CACNA1C: variants seen among roughly 807,000 people sequenced by gnomAD.
CACNA1C encodes calcium voltage-gated channel subunit alpha1 C, also known as voltage-dependent L-type calcium channel subunit alpha-1C.
CACNA1C carries 30 observed loss-of-function variants against 229.0 expected under a neutral mutation model. The observed-to-expected ratio is 0.13, with a 90% CI of 0.10 to 0.18. CACNA1C has a LOEUF of 0.18. Ranked by LOEUF, CACNA1C falls within the 10% of genes least tolerant of loss-of-function variation. CACNA1C has a pLI of 1.00. For missense variants in CACNA1C, 1,658 were observed against 2,845.0 expected (o/e 0.58, Z 9.49); for synonymous variants, 1,114 against 1,132.5 (o/e 0.98, Z 0.33).
At chr12:2,294,873 C>T (rs1308419667) in intron 3 of CACNA1C, among the ~76,000 whole-genome samples, 1 of 152,128 alleles carries the variant, frequency 6.6e-6, no homozygotes, top group Non-Finnish European at 1.5e-5. Flanking sequence ...CGTCTGTGTG[C>T]ACATGGTGCT....
intron 3 of CACNA1C, among the ~76,000 whole-genome samples, chr12:2,224,711 A>G (rs55802595): frequency 7.2e-5 from 11 of 152,192 alleles, no homozygotes; most frequent in Non-Finnish European, 1.5e-4. Flanking sequence ...CATTCTTCGT[A>G]TAAGTAAACA....
chr12:2,419,198 G>A (rs1032377887), intron 3 of CACNA1C, among the ~76,000 whole-genome samples: 2 of 152,176 alleles, frequency 1.3e-5, no homozygotes, highest in East Asian at 1.9e-4. Context: ...TCACAGTTCT[G>A]CAGGTTGTAA....
chr12:2,034,675 C>G lies in CACNA1C; in HGVS notation c.139+63474C>G, dbSNP rs1370584413. Among the ~76,000 whole-genome samples the G allele has an allele frequency of 1.3e-5, 2 of 152,176 alleles. No individual in the cohort carries two copies. The highest frequency in any genetic ancestry group is 4.8e-5 in the African/African-American group (2 of 41,432). ...ATAATTCGAGGGCTAACTGGCTCAT[C>G]TAGTGTGATTTAAGCTCGTAGTTTC... On this transcript the variant is annotated intron_variant, in intron 1 of 46. Transcript: ENST00000682462. The surrounding 1 kb of genome is among the most constrained non-coding windows in gnomAD (Gnocchi z 4.1).
intron 3 of CACNA1C, among the ~76,000 whole-genome samples, chr12:2,197,925 A>C (rs2097458896): frequency 6.6e-6 from 1 of 152,206 alleles, no homozygotes; most frequent in Non-Finnish European, 1.5e-5. Context: ...TTCCAAACGA[A>C]GCTGTGGTTT....
chr12:2,686,328 G>C lies in CACNA1C; in HGVS notation c.5784+59G>C, dbSNP rs539901100. The C allele has an allele frequency of 9.2e-6, 12 of 1,302,796 alleles. No homozygotes were observed. In the South Asian group the frequency reaches 1.4e-4, roughly 15 times the overall value. 80.7% of individuals were successfully genotyped at this position (1,302,796 alleles called of 1,614,324 possible). ...TGCCAGCAGGCCAGACAGTCCCCAG[G>C]GTGACGGACAAATCCTGAAGACTTC... On this transcript the variant is annotated intron_variant, in intron 45 of 46. Coordinates refer to ENST00000399655, the MANE Select transcript of CACNA1C (RefSeq NM_000719.7).
chr12:2,380,905 A>T (rs1386939070), intron 3 of CACNA1C, among the ~76,000 whole-genome samples: 1 of 152,168 alleles, frequency 6.6e-6, no homozygotes, highest in African/African-American at 2.4e-5. Flanking sequence ...ATCACCAAGG[A>T]TCACCTACGG....
intron 5 of CACNA1C, among the ~76,000 whole-genome samples, chr12:2,462,299 C>T (rs2099514229): frequency 6.7e-6 from 1 of 150,222 alleles, no homozygotes; most frequent in South Asian, 2.1e-4. Flanking sequence ...CCCCTCGGCT[C>T]AGCTCTCATA....
chr12:2,066,762 G>C (rs368105642), intron 1 of CACNA1C, among the ~76,000 whole-genome samples: 2 of 152,174 alleles, frequency 1.3e-5, no homozygotes, highest in South Asian at 2.1e-4. Context: ...GGAGTGGAAG[G>C]CTCAACCCCA....
intron 3 of CACNA1C, among the ~76,000 whole-genome samples, chr12:2,147,174 C>T (rs1216125799): frequency 6.6e-6 from 1 of 151,308 alleles, no homozygotes; most frequent in African/African-American, 2.4e-5. Context: ...GGGGGGGAAC[C>T]TCCAAAATGT....
At chr12:2,511,746 G>A (rs888710457) in intron 8 of CACNA1C, among the ~76,000 whole-genome samples, 12 of 152,130 alleles carry the variant, frequency 7.9e-5, no homozygotes, top group African/African-American at 2.9e-4. Flanking sequence ...TCTCCTGCCA[G>A]CCTCCTCCTT....
chr12:2,170,922 G>T (rs1431673686), intron 3 of CACNA1C, among the ~76,000 whole-genome samples: 1 of 152,232 alleles, frequency 6.6e-6, no homozygotes, highest in Non-Finnish European at 1.5e-5. Flanking sequence ...GCTTGGGAGG[G>T]TATGTGTTGC....
At chr12:2,539,157 C>A (rs1054914378) in intron 9 of CACNA1C, among the ~76,000 whole-genome samples, 3 of 152,178 alleles carry the variant, frequency 2.0e-5, no homozygotes, top group African/African-American at 7.2e-5. Flanking sequence ...AGGGGTATGT[C>A]GGTCAGTGTC....
intron 10 of CACNA1C, among the ~76,000 whole-genome samples, chr12:2,551,836 G>A (rs1362187608): frequency 6.6e-6 from 1 of 152,128 alleles, no homozygotes; most frequent in Non-Finnish European, 1.5e-5. Context: ...AGCCGTCACA[G>A]TCAGGGAAGA....
intron 1 of CACNA1C, among the ~76,000 whole-genome samples, chr12:2,081,309 G>A (rs934769977): frequency 2.6e-5 from 4 of 152,100 alleles, no homozygotes; most frequent in Non-Finnish European, 5.9e-5. Flanking sequence ...GGTGGCTCAC[G>A]CCTGTAATCC....
chr12:2,012,436 GAGT>G (rs572257868), intron 1 of CACNA1C, among the ~76,000 whole-genome samples: 242 of 152,346 alleles, frequency 1.6e-3, no homozygotes, highest in African/African-American at 5.7e-3. Flanking sequence ...CAGCAGAGTT[GAGT>G]AGTTGCAACA....
At chr12:2,428,602 G>A (rs2099054456) in intron 3 of CACNA1C, among the ~76,000 whole-genome samples, 1 of 152,220 alleles carries the variant, frequency 6.6e-6, no homozygotes, top group Non-Finnish European at 1.5e-5. Flanking sequence ...CACAGTAGGA[G>A]CCCCAGACTG....
At chr12:2,077,536 C>T (rs1178340723) in intron 1 of CACNA1C, among the ~76,000 whole-genome samples, 2 of 152,046 alleles carry the variant, frequency 1.3e-5, no homozygotes, top group African/African-American at 4.8e-5. Context: ...ACTTGTATAA[C>T]TTAATTCTCA....
chr12:2,260,563 C>T (rs577389605), intron 3 of CACNA1C, among the ~76,000 whole-genome samples: 79 of 151,932 alleles, frequency 5.2e-4, no homozygotes, highest in African/African-American at 1.7e-3. Flanking sequence ...ACAGATTGCT[C>T]AACCCCATGG....
intron 3 of CACNA1C, among the ~76,000 whole-genome samples, chr12:2,392,332 A>C (rs2098498689): frequency 6.6e-6 from 1 of 151,972 alleles, no homozygotes; most frequent in Non-Finnish European, 1.5e-5. Context: ...CAGTAACTTC[A>C]TTTTTCTATT....
Sources: gnomAD v4.1 joint callset for allele counts (sites outside exome capture counted in the v4.1 genomes callset) on GRCh38, gnomAD v4.1.1 for gene constraint, Gnocchi (gnomAD v3.1) non-coding constraint, MANE v1.5 for transcripts, NCBI Gene and HGNC (gene_info 2026-07-23, HGNC 2026-07-21) for gene names.